Variants in ZHX3 observed in about 807,000 individuals in gnomAD.
ZHX3 encodes the protein zinc fingers and homeoboxes protein 3.
ZHX3 carries 20 observed loss-of-function variants against 64.5 expected under a neutral mutation model. The observed-to-expected ratio is 0.31, with a 90% CI of 0.22 to 0.45. The LOEUF is 0.45. ZHX3 is among the 20% of genes least tolerant of loss of function. The probability of loss-of-function intolerance (pLI) is 1.00; values close to 1 mark genes in which losing one functional copy is unlikely to be tolerated. For synonymous variants in ZHX3, 423 were observed against 461.6 expected, an observed-to-expected ratio of 0.92 and a Z score of 1.07; for missense variants, 1,041 against 1,195.8, an observed-to-expected ratio of 0.87 and a Z score of 1.91.
intron 2 of ZHX3, among the ~76,000 whole-genome samples, chr20:41,213,516 A>G (rs1276857433): frequency 6.6e-6 from 1 of 152,184 alleles, no homozygotes; most frequent in Non-Finnish European, 1.5e-5. Context: ...AGGAGAGGGA[A>G]GAGAGATGCA....
rs1234363143 is a variant in ZHX3 at position 41,317,674 on chromosome 20, A to G, written c.-410T>C. On this transcript the variant is annotated 5_prime_UTR_variant, in exon 1 of 4. Coordinates refer to ENST00000683867, the MANE Select transcript of ZHX3 (RefSeq NM_001384317.1). ...GAGCGGCGGGGACGCAGCTGCACCA[A>G]CCGACTCCGGGCCGCTCGGCTGGGC... 6.6e-6 allele frequency: 1 copy of G among 150,432 alleles called. No homozygotes were observed. Among genetic ancestry groups the G allele is most frequent in the Non-Finnish European group, 1.5e-5 (1 of 67,590 alleles). 9.3% of individuals were successfully genotyped at this position (150,432 alleles called of 1,614,324 possible).
At position 41,251,734 on chromosome 20, in the gene ZHX3, G is replaced by A. The variant is rs146595200; in HGVS notation, c.-151+17256C>T. The stretch of plus-strand genomic sequence containing the variant: ...TACTGTCTATAGAATAGATAGAATA[G>A]CAATGCTTATTTTACATTATGCTTA... On this transcript the variant is annotated intron_variant, in intron 2 of 3. Coordinates refer to ENST00000683867, the MANE Select transcript of ZHX3 (RefSeq NM_001384317.1). Among the ~76,000 whole-genome samples, 126 of 152,096 alleles carry A rather than the reference G, an allele frequency of 8.3e-4. 1 individual carries two copies. The highest frequency in any genetic ancestry group is 1.5e-3 in the Non-Finnish European group (104 of 67,978).
intron 2 of ZHX3, among the ~76,000 whole-genome samples, chr20:41,258,949 C>T (rs1180362337): frequency 6.6e-6 from 1 of 152,118 alleles, no homozygotes; most frequent in Non-Finnish European, 1.5e-5. Context: ...ACACAAGCAA[C>T]TCTGATTACT....
intron 1 of ZHX3, among the ~76,000 whole-genome samples, chr20:41,295,371 C>T (rs1326245578): frequency 6.6e-6 from 1 of 151,970 alleles, no homozygotes; most frequent in Non-Finnish European, 1.5e-5. Context: ...ATGCAGGTTA[C>T]ATAGCAACAT....
intron 3 of ZHX3, chr20:41,197,138 C>T: frequency 4.7e-6 from 1 of 214,882 alleles, no homozygotes; most frequent in Non-Finnish European, 9.8e-6. Context: ...TCTGAGGTTG[C>T]CAACAAAACT....
chr20:41,263,176 ATAAGT>A (rs762726600), intron 2 of ZHX3, among the ~76,000 whole-genome samples: 2 of 152,306 alleles, frequency 1.3e-5, no homozygotes, highest in South Asian at 2.1e-4. Flanking sequence ...ACCTTCAAAG[ATAAGT>A]TAAACAGACA....
chr20:41,208,344 G>A (rs139754285), intron 2 of ZHX3, among the ~76,000 whole-genome samples: 3,145 of 152,236 alleles, frequency 0.021, 100 homozygotes, highest in African/African-American at 0.071. Flanking sequence ...CATTTTATGA[G>A]GCCAACATCG....
chr20:41,194,600 A>C (rs1467883262), intron 3 of ZHX3, among the ~76,000 whole-genome samples: 2 of 151,638 alleles, frequency 1.3e-5, no homozygotes, highest in Non-Finnish European at 2.9e-5. Context: ...AGAAGTGTTT[A>C]CTCCTCTTCA....
At chr20:41,206,641 G>A (rs1341765312) in intron 2 of ZHX3, among the ~76,000 whole-genome samples, 1 of 152,112 alleles carries the variant, frequency 6.6e-6, no homozygotes, top group Non-Finnish European at 1.5e-5. Flanking sequence ...AAGAAATATG[G>A]GACTATGTGA....
In ZHX3 at chr20:41,181,614, C is replaced by T. The variant is rs1484851217; in HGVS notation, c.*3577G>A. ...AACCAGAAAGGCCAGTGTCCTTCCT[C>T]CATGAAAGGCAGCCAGGGACAGATG... On this transcript the variant is annotated 3_prime_UTR_variant, in exon 4 of 4. Coordinates refer to ENST00000683867, the MANE Select transcript of ZHX3 (RefSeq NM_001384317.1). The T allele has an allele frequency of 6.6e-6, 1 of 152,282 alleles. No homozygotes were observed. The highest frequency in any genetic ancestry group is 2.4e-5 in the African/African-American group (1 of 41,452). 9.4% of individuals were successfully genotyped at this position (152,282 alleles called of 1,614,324 possible). A position where few individuals can be genotyped will look rare whatever the true frequency, so the allele number is the denominator to read the frequency against.
rs372255137 is a variant in ZHX3, at chr20:41,256,222, C to T, written c.-151+12768G>A. 4.1e-4 allele frequency among the ~76,000 whole-genome samples: 62 copies of T among 152,220 alleles called. 1 individual carries two copies. The East Asian group carries it at 4.8e-3, about 12-fold the overall frequency. ...GATTTAGGCTCGGAGGAACAATCTC[C>T]TTGTCTGTGAGCTCCATGAGGACAG... On this transcript the variant is annotated intron_variant, in intron 2 of 3. Transcript: ENST00000683867.
At chr20:41,249,201 G>C (rs756498087) in intron 2 of ZHX3, among the ~76,000 whole-genome samples, 2 of 151,702 alleles carry the variant, frequency 1.3e-5, no homozygotes, top group African/African-American at 2.4e-5. Flanking sequence ...GAAAAACTTG[G>C]TCATTGTTTT....
intron 2 of ZHX3, among the ~76,000 whole-genome samples, chr20:41,264,238 A>G (rs1270974510): frequency 6.6e-6 from 1 of 151,388 alleles, no homozygotes; most frequent in African/African-American, 2.4e-5. Context: ...GTGAAACCCC[A>G]TCTCCACTAA....
At chr20:41,279,390 A>G (rs2043556480) in intron 1 of ZHX3, among the ~76,000 whole-genome samples, 1 of 152,132 alleles carries the variant, frequency 6.6e-6, no homozygotes, top group Non-Finnish European at 1.5e-5. Context: ...ATACATGAAA[A>G]ACAGTATCTT....
chr20:41,268,105 C>T (rs1039690617), intron 2 of ZHX3, among the ~76,000 whole-genome samples: 9 of 152,166 alleles, frequency 5.9e-5, no homozygotes, highest in East Asian at 5.8e-4. Context: ...AAAATTCCCA[C>T]GGGCTGGTGG....
At chr20:41,273,067 T>C (rs887894003) in intron 1 of ZHX3, among the ~76,000 whole-genome samples, 1 of 152,214 alleles carries the variant, frequency 6.6e-6, no homozygotes, top group Admixed American at 6.5e-5. Context: ...TTTTAAAGTA[T>C]AGACATCTTA....
intron 1 of ZHX3, among the ~76,000 whole-genome samples, chr20:41,300,891 C>A (rs1330476833): frequency 6.6e-6 from 1 of 152,042 alleles, no homozygotes; most frequent in Non-Finnish European, 1.5e-5. Context: ...GACAGAAGGG[C>A]TAAGGAGGAG....
chr20:41,258,877 G>A (rs1223665017), intron 2 of ZHX3, among the ~76,000 whole-genome samples: 1 of 152,034 alleles, frequency 6.6e-6, no homozygotes, highest in Non-Finnish European at 1.5e-5. Context: ...TCACAAACCT[G>A]CTCACTCTGC....
rs1277201131 is a variant in ZHX3, at chr20:41,179,814, G to A, written c.*5377C>T. The A allele has an allele frequency of 3.3e-5, 5 of 152,032 alleles. No individual in the cohort carries two copies. The highest frequency in any genetic ancestry group is 6.6e-5 in the Admixed American group (1 of 15,246). The allele number at this position is 152,032 out of a possible 1,614,324, so 9.4% of individuals were successfully genotyped here. On this transcript the variant is annotated 3_prime_UTR_variant, in exon 4 of 4. Transcript: ENST00000683867. The surrounding 1 kb of genome is among the most constrained non-coding windows in gnomAD (Gnocchi z 4.3). ...CCGGCTAATTTTTGTATTTTTAGTA[G>A]AAACGGGGTTTCACCATGCCGATCA...
Sources: gnomAD v4.1 joint callset for allele counts (sites outside exome capture counted in the v4.1 genomes callset) on GRCh38, gnomAD v4.1.1 for gene constraint, Gnocchi (gnomAD v3.1) non-coding constraint, MANE v1.5 for transcripts, NCBI Gene and HGNC (gene_info 2026-07-23, HGNC 2026-07-21) for gene names.